Variants in TACR3 observed in about 807,000 individuals in gnomAD.
TACR3 encodes neuromedin-K receptor.
Under a neutral mutation model 35.0 loss-of-function variants are expected in TACR3, and 34 were observed. That is an observed-to-expected ratio of 0.97 (90% confidence interval 0.74 to 1.30). The LOEUF is 1.30. TACR3 is among the 50% of genes most tolerant of loss of function. The pLI is 0.00. For synonymous variants in TACR3, 233 were observed against 221.1 expected (o/e 1.05, Z -0.48); for missense variants, 558 against 591.7 (o/e 0.94, Z 0.59).
intron 3 of TACR3, among the ~76,000 whole-genome samples, chr4:103,620,243 C>CA (rs762585521): frequency 4.3e-4 from 65 of 152,140 alleles, no homozygotes; most frequent in Non-Finnish European, 8.1e-4. Context: ...AGTCAAAAAG[C>CA]AACAGATGCT....
intron 3 of TACR3, among the ~76,000 whole-genome samples, chr4:103,628,638 G>A (rs983188353): frequency 3.9e-5 from 6 of 152,138 alleles, no homozygotes; most frequent in African/African-American, 1.2e-4. Flanking sequence ...AACAGGCTCT[G>A]AAATTGAGGC....
At chr4:103,701,136 A>T (rs1722640148) in intron 1 of TACR3, among the ~76,000 whole-genome samples, 1 of 152,138 alleles carries the variant, frequency 6.6e-6, no homozygotes, top group Non-Finnish European at 1.5e-5. Flanking sequence ...ACATGATTGT[A>T]TATCTAGAAA....
intron 3 of TACR3, among the ~76,000 whole-genome samples, chr4:103,595,676 G>T (rs1228400426): frequency 1.3e-5 from 2 of 151,740 alleles, no homozygotes; most frequent in Non-Finnish European, 2.9e-5. Flanking sequence ...TAACTAAAAT[G>T]CTGACAACTA....
rs1322321718 is a variant in TACR3, at chr4:103,586,510, A to G, written c.*3172T>C. On this transcript the variant is annotated 3_prime_UTR_variant, in exon 5 of 5. Coordinates refer to ENST00000304883, the MANE Select transcript of TACR3 (RefSeq NM_001059.3). ...GAAATTTTGCATTTGCAAAAACTAA[A>G]TTCAAATGTTGAGCTGGCCAGCATT... The G allele has an allele frequency of 6.6e-6, 1 of 152,084 alleles. No individual in the cohort carries two copies. Among genetic ancestry groups the G allele is most frequent in the Non-Finnish European group, 1.5e-5 (1 of 68,004 alleles). 9.4% of individuals were successfully genotyped at this position (152,084 alleles called of 1,614,324 possible).
At chr4:103,681,872 T>G (rs1722098592) in intron 1 of TACR3, among the ~76,000 whole-genome samples, 1 of 151,942 alleles carries the variant, frequency 6.6e-6, no homozygotes, top group Non-Finnish European at 1.5e-5. Context: ...AAAACAAAAT[T>G]TTAAAAGTGC....
chr4:103,682,029 T>C (rs1312020854), intron 1 of TACR3, among the ~76,000 whole-genome samples: 1 of 152,204 alleles, frequency 6.6e-6, no homozygotes, highest in East Asian at 1.9e-4. Flanking sequence ...TTTTATTTGG[T>C]GTGTAATAAC....
At chr4:103,650,645 AAT>A (rs1206881691) in intron 3 of TACR3, among the ~76,000 whole-genome samples, 4 of 55,096 alleles carry the variant, frequency 7.3e-5, no homozygotes, top group African/African-American at 1.4e-4. Flanking sequence ...ATATATATTT[AAT>A]ATATATAAAT....
intron 1 of TACR3, among the ~76,000 whole-genome samples, chr4:103,700,600 T>C (rs1722626818): frequency 1.3e-5 from 2 of 152,186 alleles, no homozygotes; most frequent in African/African-American, 4.8e-5. Context: ...GAAATTATTT[T>C]ACTGCTTACA....
intron 1 of TACR3, among the ~76,000 whole-genome samples, chr4:103,700,022 C>T (rs376245157): frequency 6.6e-6 from 1 of 152,110 alleles, no homozygotes; most frequent in Non-Finnish European, 1.5e-5. Flanking sequence ...ACCTATACAA[C>T]ATCTAGTACT....
At chr4:103,714,706 A>G (rs56880262) in intron 1 of TACR3, among the ~76,000 whole-genome samples, 24,660 of 152,066 alleles carry the variant, frequency 0.16, 2,580 homozygotes, top group East Asian at 0.37. Flanking sequence ...GAGTGCAGAG[A>G]AAGGATATTG....
intron 1 of TACR3, among the ~76,000 whole-genome samples, chr4:103,717,244 G>A (rs1479237854): frequency 1.3e-5 from 2 of 151,706 alleles, no homozygotes; most frequent in African/African-American, 2.4e-5. Flanking sequence ...TTAATCAACT[G>A]TCTGCTCAAA....
intron 3 of TACR3, among the ~76,000 whole-genome samples, chr4:103,644,613 T>G (rs974613292): frequency 2.6e-5 from 4 of 151,756 alleles, no homozygotes; most frequent in African/African-American, 9.7e-5. Context: ...TTTTTCTTTT[T>G]TGGGAAGATA....
intron 3 of TACR3, among the ~76,000 whole-genome samples, chr4:103,620,358 A>G (rs975475894): frequency 5.3e-5 from 8 of 152,228 alleles, no homozygotes; most frequent in African/African-American, 1.9e-4. Context: ...AGATTTCTCA[A>G]AGAACTTAAA....
intron 1 of TACR3, among the ~76,000 whole-genome samples, chr4:103,718,227 G>A (rs1274974398): frequency 6.6e-6 from 1 of 152,118 alleles, no homozygotes; most frequent in East Asian, 1.9e-4. Context: ...TAAGAACATT[G>A]AGACTTCAAG....
chr4:103,595,290 A>G (rs181512982), intron 3 of TACR3, among the ~76,000 whole-genome samples: 17 of 152,268 alleles, frequency 1.1e-4, no homozygotes, highest in Non-Finnish European at 2.2e-4. Flanking sequence ...TGGGACAGAG[A>G]AGGTTCAAAT....
At chr4:103,624,125 AT>A (rs1174414193) in intron 3 of TACR3, among the ~76,000 whole-genome samples, 2 of 152,126 alleles carry the variant, frequency 1.3e-5, no homozygotes, top group Admixed American at 1.3e-4. Context: ...ATTCTAATTA[AT>A]ATTTGAGTTC....
intron 3 of TACR3, among the ~76,000 whole-genome samples, chr4:103,636,921 G>C (rs1725206226): frequency 6.6e-6 from 1 of 152,024 alleles, no homozygotes; most frequent in Admixed American, 6.6e-5. Flanking sequence ...ACCAATAACA[G>C]GCTCTGAAAT....
At chr4:103,684,484 A>T (rs1722185530) in intron 1 of TACR3, among the ~76,000 whole-genome samples, 1 of 152,182 alleles carries the variant, frequency 6.6e-6, no homozygotes, top group South Asian at 2.1e-4. Context: ...TAAAATAGGC[A>T]TGTAGCTATC....
At chr4:103,686,757 G>C (rs1044096342) in intron 1 of TACR3, among the ~76,000 whole-genome samples, 16 of 152,122 alleles carry the variant, frequency 1.1e-4, no homozygotes, top group Admixed American at 3.3e-4. Context: ...AATACGTTTA[G>C]AGAACTAAAG....
Sources: allele counts gnomAD v4.1 joint callset (sites outside exome capture counted in the v4.1 genomes callset), GRCh38; gene constraint gnomAD v4.1.1; transcripts MANE v1.5; gene names NCBI Gene and HGNC (gene_info 2026-07-23, HGNC 2026-07-21).